CCT2: variants seen among roughly 807,000 people sequenced by gnomAD.
CCT2 encodes T-complex protein 1 subunit beta.
A neutral mutation model predicts 61.8 loss-of-function variants in CCT2; 18 were observed. That is an observed-to-expected ratio of 0.29 (90% CI 0.20 to 0.43). CCT2 has a LOEUF of 0.43. Ranked by LOEUF, CCT2 falls within the 20% of genes least tolerant of loss-of-function variation. The probability of loss-of-function intolerance (pLI) is 1.00; values close to 1 mark genes in which losing one functional copy is unlikely to be tolerated. For missense variants in CCT2, 556 were observed against 656.9 expected, an observed-to-expected ratio of 0.85 and a Z score of 1.68; for synonymous variants, 248 against 215.9, an observed-to-expected ratio of 1.15 and a Z score of -1.30.
chr12:69,598,263 A>C (rs908918652), intron 13 of CCT2, 59 bp from the exon 14 acceptor site: 5 of 1,246,960 alleles, frequency 4.0e-6, no homozygotes, highest in Non-Finnish European at 1.1e-6. Context: ...CCTAGTTAGG[A>C]GTAAATCAGT....
rs1679455965 is a variant in CCT2 at position 69,593,597 on chromosome 12, C to G, written c.966C>G (p.Arg322=). 1 of 1,607,526 alleles carries G rather than the reference C, an allele frequency of 6.2e-7. No homozygotes were observed. Among genetic ancestry groups the G allele is most frequent in the Non-Finnish European group, 8.5e-7 (1 of 1,174,490 alleles). Residue 322 remains arginine, a synonymous_variant, in exon 10 of 16, where the codon CGC becomes CGG. Coordinates refer to ENST00000299300, the MANE Select transcript of CCT2 (RefSeq NM_006431.3). ...ATGCAGATTTTGCAGGTGTGGAACG[C>G]CTAGCTCTTGTCACAGGTATGGAAA... ...IEHADFAGVE[R]LALVTGGEIA...
chr12:69,598,289 G>T (rs758070289), intron 13 of CCT2, 33 bp from the exon 14 acceptor site: 1 of 1,424,632 alleles, frequency 7.0e-7, no homozygotes, highest in Non-Finnish European at 9.7e-7. Flanking sequence ...TTACAGTAGA[G>T]TGAGTAGTTA....
At position 69,586,212 on chromosome 12, in the gene CCT2, A is replaced by G. The variant is rs568746707; in HGVS notation, c.4-58A>G. On this transcript the variant is annotated intron_variant, in intron 1 of 15. Coordinates refer to ENST00000299300, the MANE Select transcript of CCT2 (RefSeq NM_006431.3). ...TTGTAAGACTAGTGGAAGGCACCTCAGTGTATGTGTTAGAGTATTGGTACT... is the reference window on the plus strand; with the variant it reads ...TTGTAAGACTAGTGGAAGGCACCTCGGTGTATGTGTTAGAGTATTGGTACT... 1.3e-5 allele frequency: 17 copies of G among 1,296,590 alleles called. 1 individual carries two copies. The African/African-American group carries it at 1.6e-4, about 12-fold the overall frequency. 80.3% of individuals were successfully genotyped at this position (1,296,590 alleles called of 1,614,324 possible). A position where few individuals can be genotyped will look rare whatever the true frequency, so the allele number is the denominator to read the frequency against.
chr12:69,587,979 T>C lies in CCT2; in HGVS notation c.306T>C (p.Val102=). 1 of 1,613,806 alleles carries C rather than the reference T, an allele frequency of 6.2e-7. No homozygotes were observed. Among genetic ancestry groups the C allele is most frequent in the Non-Finnish European group, 8.5e-7 (1 of 1,179,688 alleles). The change falls in exon 5 of 16, where the codon GTT becomes GTC. Residue 102 remains valine (V), a synonymous_variant. Transcript: ENST00000299300. The part of the protein sequence containing the change: ...DDEVGDGTTS[V]TVLAAELLRE... Reference sequence around the variant, plus strand: ...AAGTTGGTGATGGCACTACCTCTGTTACCGTTTTAGCAGCAGAATTATTAA... The same window carrying C: ...AAGTTGGTGATGGCACTACCTCTGTCACCGTTTTAGCAGCAGAATTATTAA...
intron 1 of CCT2, 70 bp downstream of exon 1, chr12:69,585,594 C>G: frequency 6.4e-7 from 1 of 1,552,816 alleles, no homozygotes; most frequent in Admixed American, 1.9e-5. Context: ...ACTGCTTCCT[C>G]TGTCCTGCTA....
chr12:69,598,441 T>C lies in CCT2; in HGVS notation c.1435+20T>C, dbSNP rs1882056227. On this transcript the variant is annotated intron_variant, in intron 14 of 15. Coordinates refer to ENST00000299300, the MANE Select transcript of CCT2 (RefSeq NM_006431.3). ...GATTGGGTAAGCAATCAAGGGGAACTTTGTGGCCGTTGTTAAAAGTAACTC... is the reference window on the plus strand; with the variant it reads ...GATTGGGTAAGCAATCAAGGGGAACCTTGTGGCCGTTGTTAAAAGTAACTC... 4.1e-6 allele frequency: 6 copies of C among 1,465,554 alleles called. No homozygotes were observed. The highest frequency in any genetic ancestry group is 5.5e-6 in the Non-Finnish European group (6 of 1,081,896). The allele number at this position is 1,465,554 out of a possible 1,614,324, so 90.8% of individuals were successfully genotyped here.
At chr12:69,589,304 A>T in intron 6 of CCT2, 181 bp from the exon 7 acceptor site, 2 of 581,514 alleles carry the variant, frequency 3.4e-6, no homozygotes, top group Non-Finnish European at 6.0e-6. Flanking sequence ...GCATTTTGCC[A>T]GTTTGGTGGG....
intron 7 of CCT2, among the ~76,000 whole-genome samples, chr12:69,590,026 C>G (rs1205360328): frequency 6.6e-6 from 1 of 152,180 alleles, no homozygotes; most frequent in African/African-American, 2.4e-5. Context: ...CTGGGTCAGT[C>G]AAATCATTGT....
At chr12:69,593,419 T>G in intron 9 of CCT2, 91 bp from the exon 10 acceptor site, 1 of 827,158 alleles carries the variant, frequency 1.2e-6, no homozygotes, top group Admixed American at 2.7e-5. Flanking sequence ...TTTCTTTTAC[T>G]TGTGGTAAAA....
intron 4 of CCT2, 139 bp from the exon 5 acceptor site, chr12:69,587,791 T>C (rs1384256141): frequency 5.2e-6 from 4 of 774,684 alleles, no homozygotes; most frequent in Non-Finnish European, 8.6e-6. Context: ...GTGGTAAAAC[T>C]GTTGCATTTC....
chr12:69,595,004 T>C (rs1458293508), intron 10 of CCT2, among the ~76,000 whole-genome samples: 1 of 152,218 alleles, frequency 6.6e-6, no homozygotes, highest in East Asian at 1.9e-4. Context: ...TTTAACACTT[T>C]TCTAGATTTT....
chr12:69,590,589 C>T (rs965772165), intron 7 of CCT2, among the ~76,000 whole-genome samples: 1 of 151,944 alleles, frequency 6.6e-6, no homozygotes, highest in African/African-American at 2.4e-5. Context: ...TGCTTTACAA[C>T]TTCTGTTTTT....
In CCT2 at chr12:69,586,408, C is replaced by T. The variant is rs1056915626; in HGVS notation, c.78+64C>T. On this transcript the variant is annotated intron_variant, in intron 2 of 15. Transcript: ENST00000299300. The stretch of plus-strand genomic sequence containing the variant: ...GGAGGCCAGGCGCGGTGGCTTACTC[C>T]TGTAATCCCAGTACTTTGGGAGGCC... 17 of 1,165,566 alleles carry T rather than the reference C, an allele frequency of 1.5e-5. No homozygotes were observed. The African/African-American group carries it at 2.3e-4, about 16-fold the overall frequency. The allele number at this position is 1,165,566 out of a possible 1,614,324, so 72.2% of individuals were successfully genotyped here.
chr12:69,589,215 G>A, intron 6 of CCT2: 1 of 462,552 alleles, frequency 2.2e-6, no homozygotes, highest in Non-Finnish European at 3.9e-6. Context: ...GTGAGCCACT[G>A]TGCCCGGCCA....
intron 8 of CCT2, 94 bp from the exon 9 acceptor site, chr12:69,592,882 T>G: frequency 8.6e-7 from 1 of 1,167,428 alleles, no homozygotes; most frequent in Non-Finnish European, 1.2e-6. Context: ...GAGCCGAGAT[T>G]GCCCCACTGC....
Position 69,588,074 on chromosome 12 carries a change from C to T in CCT2, c.333+68C>T, listed in dbSNP as rs1399088482. ...AGTATCAGAGGTAATCTAGTCCTTA[C>T]TTCCTCTGTCTTTACTATTGAGGAG... On this transcript the variant is annotated intron_variant, in intron 5 of 15. Coordinates refer to ENST00000299300, the MANE Select transcript of CCT2 (RefSeq NM_006431.3). The T allele has an allele frequency of 6.6e-6, 10 of 1,523,348 alleles. No homozygotes were observed. The African/African-American group carries it at 6.8e-5, about 10-fold the overall frequency. The allele number at this position is 1,523,348 out of a possible 1,614,324, so 94.4% of individuals were successfully genotyped here. A position where few individuals can be genotyped will look rare whatever the true frequency, so the allele number is the denominator to read the frequency against.
intron 13 of CCT2, 67 bp from the exon 14 acceptor site, chr12:69,598,255 T>C: frequency 1.7e-6 from 2 of 1,197,686 alleles, no homozygotes; most frequent in Non-Finnish European, 2.4e-6. Context: ...AAAGCTATCC[T>C]AGTTAGGAGT....
In CCT2 at chr12:69,596,244, ATGAGTATAAATTAG is replaced by A. The variant is rs1436863063; in HGVS notation, c.983-910_983-897del. On this transcript the variant is annotated intron_variant, in intron 10 of 15. Transcript: ENST00000299300. ...AAGTAAAAAGAACTTTATACAAATTATGAGTATAAATTAGTAGTTTCAAAGACCAGAGTCTTTAT... is the reference window on the plus strand; with the variant it reads ...AAGTAAAAAGAACTTTATACAAATTATAGTTTCAAAGACCAGAGTCTTTAT... Among the ~76,000 whole-genome samples, 6 of 102,246 alleles carry A rather than the reference ATGAGTATAAATTAG, an allele frequency of 5.9e-5. No individual in the cohort carries two copies. The Admixed American group carries it at 5.9e-4, about 10-fold the overall frequency. 67.1% of individuals were successfully genotyped at this position (102,246 alleles called of 152,430 possible).
chr12:69,589,314 G>A, intron 6 of CCT2, 171 bp from the exon 7 acceptor site: 1 of 601,490 alleles, frequency 1.7e-6, no homozygotes, highest in Non-Finnish European at 2.9e-6. Context: ...AGTTTGGTGG[G>A]GAAAATAACA....
Sources: gnomAD v4.1 joint callset for allele counts (sites outside exome capture counted in the v4.1 genomes callset) on GRCh38, gnomAD v4.1.1 for gene constraint, MANE v1.5 for transcripts, NCBI Gene and HGNC (gene_info 2026-07-23, HGNC 2026-07-21) for gene names.